The following GAB1 variants were observed in gnomAD, a reference collection of about 807,000 sequenced individuals.
GAB1 encodes the protein GRB2 associated binding protein 1.
A neutral mutation model predicts 66.5 loss-of-function variants in GAB1; 19 were observed. That is an observed-to-expected ratio of 0.29 (90% confidence interval 0.20 to 0.42). GAB1 has a LOEUF of 0.42. Among genes scored for constraint, GAB1 ranks in the 10% least tolerant of loss-of-function variants. The pLI is 1.00. For synonymous variants in GAB1, 294 were observed against 301.4 expected, an observed-to-expected ratio of 0.98 and a Z score of 0.25; for missense variants, 732 against 858.5, an observed-to-expected ratio of 0.85 and a Z score of 1.84.
chr4:143,360,116 G>A (rs1222481219), intron 1 of GAB1, among the ~76,000 whole-genome samples: 1 of 152,152 alleles, frequency 6.6e-6, no homozygotes, highest in Admixed American at 6.5e-5. Context: ...TTGTGCAAAT[G>A]ATCTAACTTT....
chr4:143,393,480 A>G lies in GAB1; in HGVS notation c.73-21997A>G, dbSNP rs1731286131. Among the ~76,000 whole-genome samples the G allele has an allele frequency of 2.0e-5, 3 of 152,214 alleles. No homozygotes were observed. In the South Asian group the frequency reaches 6.2e-4, roughly 32 times the overall value. On this transcript the variant is annotated intron_variant, in intron 1 of 9. Coordinates refer to ENST00000262994, the MANE Select transcript of GAB1 (RefSeq NM_002039.4). ...TAATGTCTTTGTGACTCGTTTTCTC[A>G]TCTATAAATGGGAATAAATTACAGC...
chr4:143,396,192 G>A (rs1310534531), intron 1 of GAB1, among the ~76,000 whole-genome samples: 1 of 152,308 alleles, frequency 6.6e-6, no homozygotes, highest in East Asian at 1.9e-4. Context: ...GACAAGGAGA[G>A]AAGCAAATGT....
chr4:143,347,812 A>C (rs1729038648), intron 1 of GAB1, among the ~76,000 whole-genome samples: 2 of 152,230 alleles, frequency 1.3e-5, no homozygotes, highest in Non-Finnish European at 2.9e-5. Context: ...AGCACCTTAA[A>C]AGATGGATTC....
chr4:143,440,430 A>G (rs372112415), intron 6 of GAB1, 48 bp downstream of exon 6: 64 of 1,502,146 alleles, frequency 4.3e-5, no homozygotes, highest in Non-Finnish European at 5.5e-5. Context: ...GCCAAGTTAG[A>G]TCTATCTTTA....
At chr4:143,410,439 G>A (rs764111002) in intron 1 of GAB1, among the ~76,000 whole-genome samples, 3 of 152,202 alleles carry the variant, frequency 2.0e-5, no homozygotes, top group Admixed American at 1.3e-4. Context: ...ATGGCTTGGG[G>A]TTAATCCAGG....
At chr4:143,347,588 C>A (rs1002932935) in intron 1 of GAB1, among the ~76,000 whole-genome samples, 5 of 152,202 alleles carry the variant, frequency 3.3e-5, no homozygotes, top group Admixed American at 2.6e-4. Context: ...CCCACATGAA[C>A]AGGGCACTGT....
At chr4:143,439,097 T>C (rs1232945677) in intron 4 of GAB1, among the ~76,000 whole-genome samples, 3 of 152,198 alleles carry the variant, frequency 2.0e-5, no homozygotes, top group Admixed American at 6.5e-5. Context: ...TTTTTACTTG[T>C]GTTTAAAGAG....
At chr4:143,448,414 C>CT (rs1734692094) in intron 6 of GAB1, among the ~76,000 whole-genome samples, 1 of 151,866 alleles carries the variant, frequency 6.6e-6, no homozygotes, top group Non-Finnish European at 1.5e-5. Context: ...GTGAATCCAT[C>CT]TGGTCCTGGA....
intron 7 of GAB1, 26 bp from the exon 8 acceptor site, chr4:143,460,338 T>C: frequency 6.2e-7 from 1 of 1,612,166 alleles, no homozygotes; most frequent in Non-Finnish European, 8.5e-7. Flanking sequence ...AAGGCTTATG[T>C]TTGTGATGAT....
In GAB1 at chr4:143,470,322, T is replaced by C. The variant is rs912984110; in HGVS notation, c.*1133T>C. The C allele has an allele frequency of 2.0e-5, 3 of 152,236 alleles. No individual in the cohort carries two copies. Among genetic ancestry groups the C allele is most frequent in the Non-Finnish European group, 4.4e-5 (3 of 68,038 alleles). The allele number at this position is 152,236 out of a possible 1,614,324, so 9.4% of individuals were successfully genotyped here. On this transcript the variant is annotated 3_prime_UTR_variant, in exon 10 of 10. Coordinates refer to ENST00000262994, the MANE Select transcript of GAB1 (RefSeq NM_002039.4). ...ATTTTTTTAAAAAAAATAGATGTTATATAAGTGATTCTCGTATGTAGCACC... is the reference window on the plus strand; with the variant it reads ...ATTTTTTTAAAAAAAATAGATGTTACATAAGTGATTCTCGTATGTAGCACC...
chr4:143,414,645 C>T (rs943064952), intron 1 of GAB1, among the ~76,000 whole-genome samples: 3 of 152,204 alleles, frequency 2.0e-5, no homozygotes, highest in East Asian at 1.9e-4. Flanking sequence ...CAAAACCTTT[C>T]CCCCTCCCTA....
chr4:143,372,338 A>G (rs1374497671), intron 1 of GAB1, among the ~76,000 whole-genome samples: 1 of 152,118 alleles, frequency 6.6e-6, no homozygotes, highest in Admixed American at 6.6e-5. Flanking sequence ...ACAGGCATTC[A>G]CTTATTCAAC....
At chr4:143,355,469 C>T (rs1729407965) in intron 1 of GAB1, among the ~76,000 whole-genome samples, 1 of 152,162 alleles carries the variant, frequency 6.6e-6, no homozygotes, top group African/African-American at 2.4e-5. Flanking sequence ...TAAACTTGAC[C>T]ATCTTAATCA....
intron 8 of GAB1, among the ~76,000 whole-genome samples, chr4:143,465,312 C>G (rs989147037): frequency 1.3e-5 from 2 of 152,208 alleles, no homozygotes; most frequent in African/African-American, 4.8e-5. Context: ...TCGCTGTCAT[C>G]TATCTTCCTA....
intron 1 of GAB1, among the ~76,000 whole-genome samples, chr4:143,381,287 T>G (rs554847650): frequency 5.0e-4 from 76 of 152,330 alleles, no homozygotes; most frequent in Middle Eastern, 6.8e-3. Flanking sequence ...CAGTAGGTAT[T>G]CAATGCAAGT....
chr4:143,393,536 T>C (rs1310851821), intron 1 of GAB1, among the ~76,000 whole-genome samples: 1 of 152,202 alleles, frequency 6.6e-6, no homozygotes, highest in Non-Finnish European at 1.5e-5. Context: ...GAGGATTAAA[T>C]TAATGTATAA....
chr4:143,387,268 A>T (rs1730961838), intron 1 of GAB1, among the ~76,000 whole-genome samples: 1 of 152,148 alleles, frequency 6.6e-6, no homozygotes. Context: ...AGTAGCTGGG[A>T]TTACAGGCAT....
chr4:143,351,371 C>G (rs1477504978), intron 1 of GAB1, among the ~76,000 whole-genome samples: 1 of 152,174 alleles, frequency 6.6e-6, no homozygotes, highest in African/African-American at 2.4e-5. Context: ...CCAGCTTCTC[C>G]GGCCATACCC....
intron 7 of GAB1, among the ~76,000 whole-genome samples, chr4:143,459,887 AG>A (rs1246965974): frequency 1.1e-4 from 17 of 152,340 alleles, no homozygotes; most frequent in African/African-American, 3.6e-4. Flanking sequence ...GAAACCAAAA[AG>A]TACTGAGGAC....
Sources: allele counts gnomAD v4.1 joint callset (sites outside exome capture counted in the v4.1 genomes callset), GRCh38; gene constraint gnomAD v4.1.1; transcripts MANE v1.5; gene names NCBI Gene and HGNC (gene_info 2026-07-23, HGNC 2026-07-21).